Variants in SPINK13 observed in about 807,000 individuals in gnomAD.
SPINK13 encodes the protein serine protease inhibitor Kazal-type 13.
Under a neutral mutation model 11.0 loss-of-function variants are expected in SPINK13, and 11 were observed. The observed-to-expected ratio is 1.00, with a 90% CI of 0.63 to 1.65. The LOEUF is 1.65. SPINK13 is among the 40% of genes most tolerant of loss of function. The pLI is 0.00. For missense variants in SPINK13, 113 were observed against 117.7 expected (o/e 0.96, Z 0.19); for synonymous variants, 31 against 35.6 (o/e 0.87, Z 0.46).
chr5:148,282,254 T>G, intron 4 of SPINK13, 23 bp downstream of exon 4: 1 of 1,612,492 alleles, frequency 6.2e-7, no homozygotes, highest in South Asian at 1.1e-5. Flanking sequence ...TAAAATGCCA[T>G]TATTTTTTCC....
chr5:148,278,604 T>C (rs1245285934), intron 3 of SPINK13, among the ~76,000 whole-genome samples: 1 of 152,240 alleles, frequency 6.6e-6, no homozygotes, highest in East Asian at 1.9e-4. Flanking sequence ...TAATCCTGAG[T>C]TGTACTTTGA....
chr5:148,282,181 C>T lies in SPINK13; in HGVS notation c.186C>T (p.Ala62=). 1.2e-6 allele frequency: 2 copies of T among 1,614,146 alleles called. No individual in the cohort carries two copies. The highest frequency in any genetic ancestry group is 1.1e-5 in the South Asian group (1 of 91,082). Residue 62 remains alanine (A), a synonymous_variant, in exon 4 of 5, where the codon GCC becomes GCT. Transcript: ENST00000398450. The part of the protein sequence containing the change: ...DCPNVTAPVC[A]SNGHTFQNEC... ...CCAATGTGACAGCACCTGTTTGTGC[C>T]TCAAATGGCCACACTTTCCAGAATG...
At chr5:148,271,816 A>G (rs201257358) in intron 2 of SPINK13, among the ~76,000 whole-genome samples, 1 of 151,444 alleles carries the variant, frequency 6.6e-6, no homozygotes, top group East Asian at 2.0e-4. Flanking sequence ...AGTAGAGACG[A>G]GGTTTCACCA....
At chr5:148,274,449 T>A in intron 3 of SPINK13, 65 bp downstream of exon 3, 1 of 1,369,212 alleles carries the variant, frequency 7.3e-7, no homozygotes, top group Admixed American at 1.8e-5. Context: ...ACATGAGAGA[T>A]CTAAAACTTC....
At chr5:148,276,075 TGTTG>T (rs1210952452) in intron 3 of SPINK13, among the ~76,000 whole-genome samples, 2 of 152,238 alleles carry the variant, frequency 1.3e-5, no homozygotes, top group Non-Finnish European at 2.9e-5. Flanking sequence ...TTCATATGTT[TGTTG>T]GCTGCATAAA....
chr5:148,279,091 C>CTT lies in SPINK13; in HGVS notation c.109-2989_109-2988dup, dbSNP rs746029113. ...TCAGAGACTAGAATTGCAACCCCTG[C>CTT]TTTTTTTTTTTTTTTTTTTTTTTTT... On this transcript the variant is annotated intron_variant, in intron 3 of 4. Transcript: ENST00000398450. Among the ~76,000 whole-genome samples, 215 of 51,650 alleles carry CTT rather than the reference C, an allele frequency of 4.2e-3. 9 individuals carry two copies. In the East Asian group the frequency reaches 0.047, roughly 11 times the overall value. 33.9% of individuals were successfully genotyped at this position (51,650 alleles called of 152,430 possible).
chr5:148,281,306 T>C (rs1056249120), intron 3 of SPINK13, among the ~76,000 whole-genome samples: 3 of 152,024 alleles, frequency 2.0e-5, no homozygotes, highest in Non-Finnish European at 2.9e-5. Context: ...TCTGTCTCCC[T>C]GGCATTCCAA....
intron 1 of SPINK13, 150 bp downstream of exon 1, chr5:148,269,038 T>C (rs907369729): frequency 1.3e-5 from 2 of 152,246 alleles, no homozygotes; most frequent in African/African-American, 4.8e-5. Context: ...GTCACACTTA[T>C]TTATGGTTCT....
intron 3 of SPINK13, among the ~76,000 whole-genome samples, chr5:148,277,901 C>T (rs950611415): frequency 6.6e-6 from 1 of 152,106 alleles, no homozygotes; most frequent in African/African-American, 2.4e-5. Flanking sequence ...TCCATCTGGT[C>T]CTGGGCTTTT....
chr5:148,280,972 A>G (rs1260446141), intron 3 of SPINK13, among the ~76,000 whole-genome samples: 1 of 152,190 alleles, frequency 6.6e-6, no homozygotes, highest in Non-Finnish European at 1.5e-5. Context: ...TTTGTCAGTG[A>G]TGCCCTGCCC....
At chr5:148,281,899 A>G (rs1332905118) in intron 3 of SPINK13, among the ~76,000 whole-genome samples, 1 of 152,218 alleles carries the variant, frequency 6.6e-6, no homozygotes, top group Non-Finnish European at 1.5e-5. Flanking sequence ...AATGGTTATG[A>G]CTTGAAGAGA....
At chr5:148,273,781 C>T (rs532377401) in intron 2 of SPINK13, among the ~76,000 whole-genome samples, 1 of 152,284 alleles carries the variant, frequency 6.6e-6, no homozygotes, top group East Asian at 1.9e-4. Context: ...GAGCATAATA[C>T]AATAAGTACT....
At chr5:148,275,064 C>T (rs996180026) in intron 3 of SPINK13, among the ~76,000 whole-genome samples, 1 of 152,066 alleles carries the variant, frequency 6.6e-6, no homozygotes, top group African/African-American at 2.4e-5. Context: ...ATACATGTGC[C>T]ATGGTGGTTT....
chr5:148,273,575 A>G (rs1043508856), intron 2 of SPINK13, among the ~76,000 whole-genome samples: 2 of 152,138 alleles, frequency 1.3e-5, no homozygotes, highest in African/African-American at 4.8e-5. Context: ...AAAGCATTCT[A>G]TCTTTTTTGT....
At position 148,271,340 on chromosome 5, in the gene SPINK13, AAT is replaced by A. The variant is rs528133287; in HGVS notation, c.70+1203_70+1204del. ...TTGGGTTCAATCAAAAAGCACCATG[AAT>A]ATATCATTCTTGCAAAAATCTAGAC... On this transcript the variant is annotated intron_variant, in intron 2 of 4. Coordinates refer to ENST00000398450, the MANE Select transcript of SPINK13 (RefSeq NM_001040129.3). Among the ~76,000 whole-genome samples, 75 of 152,310 alleles carry A rather than the reference AAT, an allele frequency of 4.9e-4. 2 individuals carry two copies. In the South Asian group the frequency reaches 0.016, roughly 32 times the overall value.
intron 2 of SPINK13, among the ~76,000 whole-genome samples, chr5:148,271,768 G>A (rs1361174165): frequency 6.6e-6 from 1 of 152,086 alleles, no homozygotes; most frequent in East Asian, 1.9e-4. Flanking sequence ...GGCACTACAG[G>A]CGCCCGCCAC....
chr5:148,281,339 A>G (rs1433061961), intron 3 of SPINK13, among the ~76,000 whole-genome samples: 1 of 152,140 alleles, frequency 6.6e-6, no homozygotes, highest in Non-Finnish European at 1.5e-5. Context: ...TATGAAAAAA[A>G]AAACTCCTGC....
At chr5:148,285,349 C>T (rs1317563405) in intron 4 of SPINK13, among the ~76,000 whole-genome samples, 2 of 151,870 alleles carry the variant, frequency 1.3e-5, no homozygotes, top group African/African-American at 4.8e-5. Flanking sequence ...TCTTGAAGAA[C>T]GAGAGGGCTA....
intron 4 of SPINK13, among the ~76,000 whole-genome samples, chr5:148,282,440 A>C (rs1756532039): frequency 6.6e-6 from 1 of 152,234 alleles, no homozygotes; most frequent in South Asian, 2.1e-4. Context: ...CATTTAAAAA[A>C]GAAAAAAGGC....
Sources: allele counts gnomAD v4.1 joint callset (sites outside exome capture counted in the v4.1 genomes callset), GRCh38; gene constraint gnomAD v4.1.1; transcripts MANE v1.5; gene names NCBI Gene and HGNC (gene_info 2026-07-23, HGNC 2026-07-21).